Variants in ITK observed in about 807,000 individuals in gnomAD.
ITK encodes IL2 inducible T cell kinase.
A neutral mutation model predicts 87.6 loss-of-function variants in ITK; 45 were observed. The ratio of observed to expected loss-of-function variants is 0.51; its 90% CI spans 0.40 to 0.66. ITK has a LOEUF of 0.66. Among genes scored for constraint, ITK ranks in the 30% least tolerant of loss-of-function variants. ITK has a pLI of 0.00. For missense variants in ITK, 605 were observed against 766.3 expected (o/e 0.79, Z 2.48); for synonymous variants, 303 against 273.6 (o/e 1.11, Z -1.06).
At chr5:157,211,977 C>G (rs1051951978) in intron 3 of ITK, among the ~76,000 whole-genome samples, 1 of 152,168 alleles carries the variant, frequency 6.6e-6, no homozygotes, top group Non-Finnish European at 1.5e-5. Context: ...CTTTTCAGAC[C>G]ATTGGTAAGG....
chr5:157,209,970 G>A (rs1754155918), intron 2 of ITK, among the ~76,000 whole-genome samples: 1 of 149,662 alleles, frequency 6.7e-6, no homozygotes. Context: ...CTGTCACCCA[G>A]GCTGGAGTGC....
At chr5:157,232,311 A>T in intron 7 of ITK, 29 bp from the exon 8 acceptor site, 1 of 1,510,648 alleles carries the variant, frequency 6.6e-7, no homozygotes, top group Non-Finnish European at 9.2e-7. Flanking sequence ...AAAATATGTC[A>T]TTGACATATG....
At chr5:157,190,129 T>C (rs1423058877) in intron 1 of ITK, among the ~76,000 whole-genome samples, 2 of 152,208 alleles carry the variant, frequency 1.3e-5, no homozygotes, top group African/African-American at 2.4e-5. Flanking sequence ...TAGATACAGG[T>C]TCTTATGTCT....
intron 6 of ITK, 77 bp downstream of exon 6, chr5:157,223,091 T>C: frequency 6.5e-7 from 1 of 1,541,308 alleles, no homozygotes; most frequent in Non-Finnish European, 9.0e-7. Flanking sequence ...TGATTTGTCC[T>C]ATCTCCCACA....
chr5:157,248,524 C>T (rs965543808), intron 15 of ITK, among the ~76,000 whole-genome samples: 3 of 152,180 alleles, frequency 2.0e-5, no homozygotes, highest in African/African-American at 7.2e-5. Context: ...CCACAATCCT[C>T]CCCAATCCCA....
rs376728021 is a variant in ITK at position 157,217,919 on chromosome 5, C to A, written c.495+12C>A. 7 of 1,612,454 alleles carry A rather than the reference C, an allele frequency of 4.3e-6. No individual in the cohort carries two copies. The highest frequency in any genetic ancestry group is 5.9e-6 in the Non-Finnish European group (7 of 1,178,534). On this transcript the variant is annotated intron_variant, in intron 5 of 16. Transcript: ENST00000422843. ...CTGAAGACAACAGGGTGAGTGAGAG[C>A]GCTAGCTCCGGGTGCAGGTGGGCCC...
rs1441665987 is a variant in ITK, at chr5:157,252,990, T to C, written c.*312T>C. On this transcript the variant is annotated 3_prime_UTR_variant, in exon 17 of 17. Coordinates refer to ENST00000422843, the MANE Select transcript of ITK (RefSeq NM_005546.4). ...CAGCTTTCAGACAGCATTCTTGCAC[T>C]TCTTAGCAACAGAGAGAGACATGAG... 4.4e-6 allele frequency: 2 copies of C among 455,000 alleles called. No homozygotes were observed. Among genetic ancestry groups the C allele is most frequent in the Non-Finnish European group, 8.2e-6 (2 of 244,304 alleles). The allele number at this position is 455,000 out of a possible 1,614,324, so 28.2% of individuals were successfully genotyped here.
In ITK at chr5:157,243,690, G is replaced by T; in HGVS notation, c.1128G>T (p.Leu376Phe). The change falls in exon 12 of 17, where the codon TTG (leucine) becomes TTT (phenylalanine). Residue 376 changes from leucine (L) to phenylalanine (F), a missense_variant. By Grantham distance (22) the Leu-to-Phe change is conservative. Transcript: ENST00000422843. Reference protein sequence around the residue: ...VQEIGSGQFGLVHLGYWLNKD... With the variant: ...VQEIGSGQFGFVHLGYWLNKD... Reference sequence around the variant, plus strand: ...AGATTGGCAGTGGGCAATTTGGGTTGGTGCATCTGGGCTACTGGCTCAACA... The same window carrying T: ...AGATTGGCAGTGGGCAATTTGGGTTTGTGCATCTGGGCTACTGGCTCAACA... 1 of 1,613,652 alleles carries T rather than the reference G, an allele frequency of 6.2e-7. No homozygotes were observed. Among genetic ancestry groups the T allele is most frequent in the Non-Finnish European group, 8.5e-7 (1 of 1,179,910 alleles).
intron 4 of ITK, among the ~76,000 whole-genome samples, chr5:157,214,942 C>CA (rs1561654679): frequency 6.6e-6 from 1 of 152,152 alleles, no homozygotes; most frequent in Non-Finnish European, 1.5e-5. Flanking sequence ...AAAGTGAAAA[C>CA]AAAAAAAGCT....
chr5:157,244,381 G>A lies in ITK; in HGVS notation c.1352G>A (p.Arg451Gln), dbSNP rs779372373. ...GCLSDYLRTQ[R>Q]GLFAAETLLG... ...CTGTCAGATTATCTACGCACCCAGC[G>A]GGGACTTTTTGCTGCAGAGACCCTG... The change falls in exon 13 of 17, where the codon CGG becomes CAG. Residue 451 changes from arginine to glutamine, a missense_variant. Around this residue, in one of 3 missense-constraint regions of ITK, gnomAD observed 464 missense variants for 578.0 expected, o/e 0.80. Coordinates refer to ENST00000422843, the MANE Select transcript of ITK (RefSeq NM_005546.4). 16 of 1,613,906 alleles carry A rather than the reference G, an allele frequency of 9.9e-6. No homozygotes were observed. Among genetic ancestry groups the A allele is most frequent in the African/African-American group, 4.0e-5 (3 of 75,016 alleles).
chr5:157,201,246 G>A (rs2113746823), intron 1 of ITK, among the ~76,000 whole-genome samples: 1 of 150,980 alleles, frequency 6.6e-6, no homozygotes, highest in Middle Eastern at 3.5e-3. Context: ...TATACTTAAT[G>A]GTGAAAGACT....
At chr5:157,190,563 G>C (rs544633690) in intron 1 of ITK, among the ~76,000 whole-genome samples, 143 of 152,286 alleles carry the variant, frequency 9.4e-4, no homozygotes, top group African/African-American at 3.4e-3. Context: ...CATTCTAGGG[G>C]ATGGGACAGA....
At chr5:157,211,452 G>A in intron 3 of ITK, 84 bp downstream of exon 3, 1 of 1,152,086 alleles carries the variant, frequency 8.7e-7, no homozygotes, top group Non-Finnish European at 1.3e-6. Context: ...AGAGTGTGGT[G>A]TGAGAGCAGC....
chr5:157,188,293 T>A (rs993342721), intron 1 of ITK, among the ~76,000 whole-genome samples: 1 of 152,178 alleles, frequency 6.6e-6, no homozygotes, highest in Non-Finnish European at 1.5e-5. Flanking sequence ...CAGATACTAC[T>A]TTCTACCTTA....
intron 1 of ITK, among the ~76,000 whole-genome samples, chr5:157,197,680 T>C (rs1753879602): frequency 6.6e-6 from 1 of 152,250 alleles, no homozygotes; most frequent in African/African-American, 2.4e-5. Context: ...TGGTATATAC[T>C]TTTGTCCCTC....
chr5:157,185,834 A>T (rs451651), intron 1 of ITK, among the ~76,000 whole-genome samples: 23,796 of 152,000 alleles, frequency 0.16, 2,185 homozygotes, highest in African/African-American at 0.25. Flanking sequence ...ACAGGCTGAG[A>T]CCTGGTCTCA....
intron 1 of ITK, among the ~76,000 whole-genome samples, chr5:157,207,805 T>C (rs1383707997): frequency 6.6e-6 from 1 of 152,166 alleles, no homozygotes; most frequent in African/African-American, 2.4e-5. Flanking sequence ...AATAACAAAG[T>C]AATAGTTCTG....
At chr5:157,188,648 G>A (rs1173381601) in intron 1 of ITK, among the ~76,000 whole-genome samples, 2 of 152,098 alleles carry the variant, frequency 1.3e-5, no homozygotes, top group Non-Finnish European at 1.5e-5. Flanking sequence ...TCTGAAACAT[G>A]GTCTTGCTCT....
intron 2 of ITK, among the ~76,000 whole-genome samples, chr5:157,211,046 C>G (rs911075963): frequency 6.6e-6 from 1 of 152,060 alleles, no homozygotes; most frequent in South Asian, 2.1e-4. Context: ...CTCCTGCTGT[C>G]TTAGTTTAGT....
Sources: gnomAD v4.1 joint callset for allele counts (sites outside exome capture counted in the v4.1 genomes callset) on GRCh38, gnomAD v4.1.1 for gene constraint, gnomAD v4.1.1 regional missense constraint, MANE v1.5 for transcripts, NCBI Gene and HGNC (gene_info 2026-07-23, HGNC 2026-07-21) for gene names.